REPS1: variants seen among roughly 807,000 people sequenced by gnomAD.
The protein encoded by REPS1 is ralBP1-associated Eps domain-containing protein 1.
In REPS1, 39 loss-of-function variants were observed where a neutral mutation model predicts 100.9. The ratio of observed to expected loss-of-function variants is 0.39; its 90% CI spans 0.30 to 0.50. The LOEUF (loss-of-function observed/expected upper bound fraction) is 0.50, where lower values mean the gene tolerates loss of function less well. Ranked by LOEUF, REPS1 falls within the 20% of genes least tolerant of loss-of-function variation. The pLI is 0.86. For synonymous variants in REPS1, 324 were observed against 340.3 expected (o/e 0.95, Z 0.53); for missense variants, 821 against 968.5 (o/e 0.85, Z 2.02).
At position 138,920,090 on chromosome 6, in the gene REPS1, G is replaced by A. The variant is rs190427405; in HGVS notation, c.1528+125C>T. 199 of 543,626 alleles carry A rather than the reference G, an allele frequency of 3.7e-4. 1 individual carries two copies. The highest frequency in any genetic ancestry group is 3.5e-3 in the African/African-American group (178 of 51,462). 33.7% of individuals were successfully genotyped at this position (543,626 alleles called of 1,614,324 possible). On this transcript the variant is annotated intron_variant, in intron 12 of 19. Transcript: ENST00000450536. ...TATTCACTGATAGGGCAAAGTGTTC[G>A]AAAGGGTTCACTCTCCTCTACTTTA...
At chr6:138,953,125 T>C (rs1195787664) in intron 1 of REPS1, among the ~76,000 whole-genome samples, 2 of 152,002 alleles carry the variant, frequency 1.3e-5, no homozygotes, top group Non-Finnish European at 2.9e-5. Context: ...GTGTGAGCCA[T>C]TGCGCCAAAT....
chr6:138,959,659 T>A (rs1486078701), intron 1 of REPS1, among the ~76,000 whole-genome samples: 1 of 152,200 alleles, frequency 6.6e-6, no homozygotes, highest in African/African-American at 2.4e-5. Flanking sequence ...TGTACAACAC[T>A]GGCTAGCCAG....
intron 1 of REPS1, among the ~76,000 whole-genome samples, chr6:138,952,201 G>A (rs1354501828): frequency 6.6e-6 from 1 of 151,980 alleles, no homozygotes; most frequent in African/African-American, 2.4e-5. Flanking sequence ...CTCCTAGCCA[G>A]GGCAATTAGG....
At chr6:138,969,451 AT>A (rs1297090821) in intron 1 of REPS1, among the ~76,000 whole-genome samples, 312 of 133,102 alleles carry the variant, frequency 2.3e-3, no homozygotes, top group Admixed American at 3.8e-3. Context: ...CAGCTGGCCA[AT>A]TTTTTTTTTT....
chr6:138,983,567 A>T (rs1430961300), intron 1 of REPS1, among the ~76,000 whole-genome samples: 1 of 152,204 alleles, frequency 6.6e-6, no homozygotes, highest in Admixed American at 6.5e-5. Context: ...AAAGGAACAT[A>T]ATAGGCACTC....
chr6:138,945,626 A>C lies in REPS1; in HGVS notation c.349T>G (p.Ser117Ala). The change falls in exon 3 of 20, where the codon TCT becomes GCT. Residue 117 changes from serine to alanine, a missense_variant. Ser to Ala is a moderately conservative substitution (Grantham distance 99). Transcript: ENST00000450536. ...EQESRHAASYSSDSENQGSYS... is the reference protein window; with the variant it reads ...EQESRHAASYASDSENQGSYS... Reference sequence around the variant, plus strand: ...GACCCTTGATTTTCAGAATCTGAAGAATATGAGGCTGCATGGCGAGATTCC... The same window carrying C: ...GACCCTTGATTTTCAGAATCTGAAGCATATGAGGCTGCATGGCGAGATTCC... 1 of 1,613,786 alleles carries C rather than the reference A, an allele frequency of 6.2e-7. No individual in the cohort carries two copies. The highest frequency in any genetic ancestry group is 8.5e-7 in the Non-Finnish European group (1 of 1,179,868).
chr6:138,940,547 C>T (rs751820930), intron 8 of REPS1, among the ~76,000 whole-genome samples: 15 of 151,914 alleles, frequency 9.9e-5, no homozygotes, highest in Non-Finnish European at 2.1e-4. Context: ...GAGATAGAGA[C>T]CATCCTGGCC....
At chr6:138,918,624 G>A (rs945158574) in intron 12 of REPS1, among the ~76,000 whole-genome samples, 4 of 151,958 alleles carry the variant, frequency 2.6e-5, no homozygotes, top group African/African-American at 7.3e-5. Flanking sequence ...CAAAAAGGTC[G>A]CTTTTAAAGA....
chr6:138,915,903 T>C lies in REPS1; in HGVS notation c.1675A>G (p.Arg559Gly). The change falls in exon 14 of 20, where the codon AGA becomes GGA. Residue 559 changes from arginine (R) to glycine (G), a missense_variant. Arg to Gly is a moderately radical substitution (Grantham distance 125). Around this residue, in one of 3 missense-constraint regions of REPS1, gnomAD observed 757 missense variants for 866.4 expected, o/e 0.87. Transcript: ENST00000450536. ...PPPRPQPSHSRSSSLDMNRTF... is the reference protein window; with the variant it reads ...PPPRPQPSHSGSSSLDMNRTF... Reference sequence around the variant, plus strand: ...CGATTCATATCTAAAGATGATGATCTAGAATGAGAGGGCTGTGGCCTTGGA... The same window carrying C: ...CGATTCATATCTAAAGATGATGATCCAGAATGAGAGGGCTGTGGCCTTGGA... The C allele has an allele frequency of 6.2e-7, 1 of 1,614,066 alleles. No individual in the cohort carries two copies. The highest frequency in any genetic ancestry group is 1.1e-5 in the South Asian group (1 of 91,082).
intron 1 of REPS1, among the ~76,000 whole-genome samples, chr6:138,948,756 C>G (rs1427929318): frequency 6.6e-6 from 1 of 152,112 alleles, no homozygotes; most frequent in African/African-American, 2.4e-5. Flanking sequence ...CAGTTTTAGT[C>G]TATTTTTCCA....
At chr6:138,955,806 C>T (rs1783347989) in intron 1 of REPS1, among the ~76,000 whole-genome samples, 1 of 152,092 alleles carries the variant, frequency 6.6e-6, no homozygotes, top group East Asian at 1.9e-4. Flanking sequence ...GAGCAAGAAC[C>T]TAACTTTACT....
At chr6:138,976,613 A>G (rs905041758) in intron 1 of REPS1, among the ~76,000 whole-genome samples, 3 of 152,220 alleles carry the variant, frequency 2.0e-5, no homozygotes, top group Admixed American at 2.0e-4. Context: ...ATAATTTCCC[A>G]TAATATTAAG....
rs369135460 is a variant in REPS1, at chr6:138,904,761, T to G, written c.*303A>C. 1 of 207,324 alleles carries G rather than the reference T, an allele frequency of 4.8e-6. No individual in the cohort carries two copies. The allele number at this position is 207,324 out of a possible 1,614,324, so 12.8% of individuals were successfully genotyped here. On this transcript the variant is annotated 3_prime_UTR_variant, in exon 20 of 20. Coordinates refer to ENST00000450536, the MANE Select transcript of REPS1 (RefSeq NM_001286611.2). The stretch of plus-strand genomic sequence containing the variant: ...TGAGATGTAAATGAGGAGCCCATTC[T>G]ATAAATTAAATTGGTGTGTGGTATT...
At chr6:138,973,267 T>C (rs954303367) in intron 1 of REPS1, among the ~76,000 whole-genome samples, 2 of 152,204 alleles carry the variant, frequency 1.3e-5, no homozygotes, top group Non-Finnish European at 2.9e-5. Flanking sequence ...TCAAAAATTA[T>C]TTCAAAGACC....
At chr6:138,938,819 G>A (rs549151171) in intron 8 of REPS1, among the ~76,000 whole-genome samples, 134 of 151,288 alleles carry the variant, frequency 8.9e-4, no homozygotes, top group Non-Finnish European at 1.6e-3. Flanking sequence ...CCTCTTAACC[G>A]TGACCTTTTA....
At chr6:138,960,490 C>T (rs543510901) in intron 1 of REPS1, among the ~76,000 whole-genome samples, 4 of 151,752 alleles carry the variant, frequency 2.6e-5, no homozygotes, top group African/African-American at 9.7e-5. Flanking sequence ...TAACTATTTT[C>T]CAAAACTGAA....
At chr6:138,931,173 C>T (rs1781463528) in intron 8 of REPS1, among the ~76,000 whole-genome samples, 1 of 152,096 alleles carries the variant, frequency 6.6e-6, no homozygotes. Flanking sequence ...AAGACAGCTG[C>T]CATTAAATGT....
chr6:138,980,873 T>G (rs2128512612), intron 1 of REPS1, among the ~76,000 whole-genome samples: 1 of 152,232 alleles, frequency 6.6e-6, no homozygotes, highest in South Asian at 2.1e-4. Flanking sequence ...CTTTTCGACA[T>G]TGGCACAAGT....
rs564641467 is a variant in REPS1 at position 138,947,884 on chromosome 6, A to G, written c.183T>C (p.Leu61=). 21 of 1,609,732 alleles carry G rather than the reference A, an allele frequency of 1.3e-5. No homozygotes were observed. In the East Asian group the frequency reaches 4.7e-4, roughly 36 times the overall value. The change falls in exon 2 of 20, where the codon CTT becomes CTC. Residue 61 remains leucine, a synonymous_variant. Transcript: ENST00000450536. ...QIMELCGATR[L]GYFGRSQFYI... ...AGAACTGACTTCTTCCAAAATAACC[A>G]AGTCTTGTTGCACCACAAAGCTCCA...
Sources: allele counts gnomAD v4.1 joint callset (sites outside exome capture counted in the v4.1 genomes callset), GRCh38; gene constraint gnomAD v4.1.1; regional missense constraint gnomAD v4.1.1; transcripts MANE v1.5; gene names NCBI Gene and HGNC (gene_info 2026-07-23, HGNC 2026-07-21).